VOPP1: variants seen among roughly 807,000 people sequenced by gnomAD.
VOPP1 encodes VOPP1 WW domain binding protein.
A neutral mutation model predicts 23.5 loss-of-function variants in VOPP1; 8 were observed. That is an observed-to-expected ratio of 0.34 (90% CI 0.20 to 0.61). The LOEUF (loss-of-function observed/expected upper bound fraction) is 0.61, where lower values mean the gene tolerates loss of function less well. VOPP1 is among the 20% of genes least tolerant of loss of function. The probability of loss-of-function intolerance (pLI) is 0.78; values close to 1 mark genes in which losing one functional copy is unlikely to be tolerated. For missense variants in VOPP1, 174 were observed against 238.1 expected, an observed-to-expected ratio of 0.73 and a Z score of 1.77; for synonymous variants, 83 against 97.3, an observed-to-expected ratio of 0.85 and a Z score of 0.86.
chr7:55,556,246 G>C (rs1163893691), intron 1 of VOPP1, among the ~76,000 whole-genome samples: 2 of 152,288 alleles, frequency 1.3e-5, no homozygotes, highest in South Asian at 2.1e-4. Flanking sequence ...AGGTGGGAGA[G>C]ACAGGGGTTC....
chr7:55,487,758 G>C (rs1209540817), intron 4 of VOPP1, among the ~76,000 whole-genome samples: 1 of 152,226 alleles, frequency 6.6e-6, no homozygotes, highest in Non-Finnish European at 1.5e-5. Context: ...CCACAAAGAA[G>C]ATGGACCATA....
intron 1 of VOPP1, chr7:55,553,789 A>T: frequency 6.5e-6 from 1 of 152,812 alleles, no homozygotes; most frequent in African/African-American, 2.4e-5. Flanking sequence ...ACACACACAC[A>T]CACACACACA....
intron 2 of VOPP1, among the ~76,000 whole-genome samples, chr7:55,501,419 G>A (rs1794358549): frequency 1.3e-5 from 2 of 152,182 alleles, no homozygotes; most frequent in African/African-American, 4.8e-5. Flanking sequence ...AAGTGGACAG[G>A]CTCAGTCTTC....
At chr7:55,537,299 G>A (rs574237233) in intron 1 of VOPP1, among the ~76,000 whole-genome samples, 16 of 152,294 alleles carry the variant, frequency 1.1e-4, no homozygotes, top group African/African-American at 3.1e-4. Context: ...TCTCACTGAC[G>A]TCTCTCACAC....
chr7:55,442,051 G>A (rs1295444752), intron 4 of VOPP1, among the ~76,000 whole-genome samples: 1 of 152,044 alleles, frequency 6.6e-6, no homozygotes. Context: ...AATAATATCG[G>A]CCATTATTGA....
intron 2 of VOPP1, chr7:55,516,054 G>A (rs376557582): frequency 1.1e-5 from 11 of 984,030 alleles, no homozygotes; most frequent in East Asian, 2.3e-4. Flanking sequence ...AGGAGAGAAT[G>A]CAAGCCAAGG....
intron 1 of VOPP1, among the ~76,000 whole-genome samples, chr7:55,529,364 CAAAAAAAAAAAA>C (rs58601889): frequency 6.5e-5 from 7 of 107,492 alleles, no homozygotes; most frequent in Non-Finnish European, 7.3e-5. Context: ...GATTCCGTCT[CAAAAAAAAAAAA>C]AAAAAAAAAA....
chr7:55,528,349 T>C (rs894317834), intron 1 of VOPP1, among the ~76,000 whole-genome samples: 2 of 152,254 alleles, frequency 1.3e-5, no homozygotes, highest in Non-Finnish European at 2.9e-5. Flanking sequence ...TTTTCCACTA[T>C]ACATTTTGTT....
intron 2 of VOPP1, among the ~76,000 whole-genome samples, chr7:55,518,395 T>C (rs1212778586): frequency 1.3e-5 from 2 of 152,226 alleles, no homozygotes; most frequent in Middle Eastern, 3.2e-3. Flanking sequence ...ACGAACATGA[T>C]TGCAAACATC....
chr7:55,445,410 A>G (rs1447085640), intron 4 of VOPP1, among the ~76,000 whole-genome samples: 1 of 152,162 alleles, frequency 6.6e-6, no homozygotes, highest in East Asian at 1.9e-4. Context: ...TCATAATACC[A>G]GTATTGCACC....
At chr7:55,437,836 TTTTTC>T (rs1253824747) in intron 4 of VOPP1, among the ~76,000 whole-genome samples, 1 of 152,156 alleles carries the variant, frequency 6.6e-6, no homozygotes, top group Non-Finnish European at 1.5e-5. Context: ...TTTCATTTCG[TTTTTC>T]TTTTCTGGAA....
At chr7:55,545,373 G>A (rs1196444330) in intron 1 of VOPP1, among the ~76,000 whole-genome samples, 2 of 152,126 alleles carry the variant, frequency 1.3e-5, no homozygotes, top group African/African-American at 2.4e-5. Flanking sequence ...GTCCAAGAAC[G>A]TGCTGCTCTC....
chr7:55,544,665 T>C (rs906039694), intron 1 of VOPP1, among the ~76,000 whole-genome samples: 3 of 152,244 alleles, frequency 2.0e-5, no homozygotes, highest in Non-Finnish European at 2.9e-5. Flanking sequence ...GAATGTAATC[T>C]AACATTTAAC....
chr7:55,543,563 C>G (rs1797233116), intron 1 of VOPP1, among the ~76,000 whole-genome samples: 1 of 152,182 alleles, frequency 6.6e-6, no homozygotes, highest in African/African-American at 2.4e-5. Context: ...TCGCCATATC[C>G]TCACCATTTA....
intron 1 of VOPP1, among the ~76,000 whole-genome samples, chr7:55,570,738 T>C (rs1278983550): frequency 6.6e-6 from 1 of 152,118 alleles, no homozygotes; most frequent in Non-Finnish European, 1.5e-5. Flanking sequence ...GGTCAGGAGT[T>C]CGAGACCAGC....
At chr7:55,442,034 G>A (rs192755157) in intron 4 of VOPP1, among the ~76,000 whole-genome samples, 71 of 152,314 alleles carry the variant, frequency 4.7e-4, no homozygotes, top group Non-Finnish European at 8.7e-4. Context: ...CATTTCTAAT[G>A]TATAATAATA....
At chr7:55,510,850 CA>C (rs1197016119) in intron 2 of VOPP1, among the ~76,000 whole-genome samples, 2 of 152,046 alleles carry the variant, frequency 1.3e-5, no homozygotes, top group Non-Finnish European at 2.9e-5. Context: ...GCACTCCTCC[CA>C]AAGTCTCTGC....
rs536370570 is a variant in VOPP1 at position 55,531,660 on chromosome 7, CT to C, written c.55-10531del. 9.9e-5 allele frequency among the ~76,000 whole-genome samples: 15 copies of C among 152,188 alleles called. No individual in the cohort carries two copies. In the South Asian group the frequency reaches 2.9e-3, roughly 29 times the overall value. ...AGCCATCGCGCCCAGAAAAAGTCAT[CT>C]TTTTTTGATGTAATTGCAGAGTGCA... On this transcript the variant is annotated intron_variant, in intron 1 of 4. Transcript: ENST00000285279.
intron 1 of VOPP1, chr7:55,538,778 A>T: frequency 2.8e-6 from 2 of 720,886 alleles, no homozygotes; most frequent in Non-Finnish European, 2.2e-6. Flanking sequence ...TGTGGGTTTG[A>T]GCTGCTGATG....
Sources: gnomAD v4.1 joint callset for allele counts (sites outside exome capture counted in the v4.1 genomes callset) on GRCh38, gnomAD v4.1.1 for gene constraint, MANE v1.5 for transcripts, NCBI Gene and HGNC (gene_info 2026-07-23, HGNC 2026-07-21) for gene names.